The following INVS variants were observed in gnomAD, a reference collection of about 807,000 sequenced individuals.
The protein encoded by INVS is inversin.
INVS carries 86 observed loss-of-function variants against 108.8 expected under a neutral mutation model. The ratio of observed to expected loss-of-function variants is 0.79; its 90% CI spans 0.66 to 0.95. The LOEUF (loss-of-function observed/expected upper bound fraction) is 0.95. Ranked by LOEUF, INVS falls within the 40% of genes least tolerant of loss-of-function variation. The pLI is 0.00. For synonymous variants in INVS, 455 were observed against 473.5 expected (o/e 0.96, Z 0.51); for missense variants, 1,169 against 1,297.4 (o/e 0.90, Z 1.52).
At chr9:100,275,694 A>C (rs1274162355) in intron 12 of INVS, among the ~76,000 whole-genome samples, 1 of 152,248 alleles carries the variant, frequency 6.6e-6, no homozygotes, top group South Asian at 2.1e-4. Context: ...CATTTTCCTC[A>C]AAATGAGGAT....
At chr9:100,187,792 T>A (rs1830097988) in intron 3 of INVS, among the ~76,000 whole-genome samples, 1 of 152,190 alleles carries the variant, frequency 6.6e-6, no homozygotes, top group African/African-American at 2.4e-5. Context: ...AGTGCTGGGA[T>A]TATAGGCGTG....
intron 7 of INVS, among the ~76,000 whole-genome samples, chr9:100,244,834 A>T (rs1357597581): frequency 6.6e-6 from 1 of 152,208 alleles, no homozygotes; most frequent in Non-Finnish European, 1.5e-5. Flanking sequence ...AAGAAAACAA[A>T]GCAAAAAATC....
chr9:100,256,554 G>A (rs186120238), intron 10 of INVS, among the ~76,000 whole-genome samples: 168 of 152,292 alleles, frequency 1.1e-3, no homozygotes, highest in African/African-American at 3.9e-3. Context: ...TGGGCATTTA[G>A]TGCTATAAAT....
At chr9:100,269,108 A>G (rs1832874244) in intron 11 of INVS, among the ~76,000 whole-genome samples, 1 of 152,214 alleles carries the variant, frequency 6.6e-6, no homozygotes, top group South Asian at 2.1e-4. Flanking sequence ...TAAGTAATTG[A>G]TATATGTGTT....
chr9:100,281,575 T>C (rs866765189), intron 12 of INVS, among the ~76,000 whole-genome samples: 1 of 152,234 alleles, frequency 6.6e-6, no homozygotes, highest in Non-Finnish European at 1.5e-5. Context: ...AACTTCACAA[T>C]TGTGGGCCAT....
chr9:100,225,250 G>A (rs1027779511), intron 3 of INVS, among the ~76,000 whole-genome samples: 2 of 148,238 alleles, frequency 1.3e-5, no homozygotes, highest in South Asian at 2.2e-4. Context: ...GGGTTTCACC[G>A]TGCTGGCCAG....
chr9:100,298,289 T>G, intron 16 of INVS: 1 of 1,309,596 alleles, frequency 7.6e-7, no homozygotes, highest in Non-Finnish European at 9.8e-7. Context: ...AGGAAATAAA[T>G]GAAAATACTG....
Position 100,188,048 on chromosome 9 carries a change from A to G in INVS, c.274-38014A>G, listed in dbSNP as rs188849844. 1.5e-3 allele frequency among the ~76,000 whole-genome samples: 232 copies of G among 152,222 alleles called. 1 individual carries two copies. Among genetic ancestry groups the G allele is most frequent in the Non-Finnish European group, 2.9e-3 (195 of 68,018 alleles). On this transcript the variant is annotated intron_variant, in intron 3 of 16. Transcript: ENST00000262457. ...ATTTTGTAACCTGAGATATAATTGGATTCATTTATCAAATCTAGGATTCTT... is the reference window on the plus strand; with the variant it reads ...ATTTTGTAACCTGAGATATAATTGGGTTCATTTATCAAATCTAGGATTCTT...
At chr9:100,126,867 AAAAG>A (rs1827902270) in intron 3 of INVS, among the ~76,000 whole-genome samples, 1 of 152,172 alleles carries the variant, frequency 6.6e-6, no homozygotes, top group Admixed American at 6.5e-5. Flanking sequence ...ATAAAGACCA[AAAAG>A]AAATACTCAA....
At position 100,224,520 on chromosome 9, in the gene INVS, T is replaced by C. The variant is rs563565261; in HGVS notation, c.274-1542T>C. ...GAGCCCAGAAGAACAATTTTTAGAG[T>C]CTTATTTTGTTCAAAGCTGCCATGT... is the stretch of plus-strand genomic sequence containing the variant. On this transcript the variant is annotated intron_variant, in intron 3 of 16. Coordinates refer to ENST00000262457, the MANE Select transcript of INVS (RefSeq NM_014425.5). Among the ~76,000 whole-genome samples, 267 of 151,828 alleles carry C rather than the reference T, an allele frequency of 1.8e-3. 1 individual carries two copies. Among genetic ancestry groups the C allele is most frequent in the Non-Finnish European group, 3.1e-3 (213 of 67,922 alleles).
At chr9:100,129,268 G>A (rs1827979742) in intron 3 of INVS, among the ~76,000 whole-genome samples, 1 of 152,068 alleles carries the variant, frequency 6.6e-6, no homozygotes, top group Non-Finnish European at 1.5e-5. Flanking sequence ...GATCACTTGA[G>A]GCCAGGAGTT....
chr9:100,173,651 C>G, intron 3 of INVS, among the ~76,000 whole-genome samples: 1 of 152,148 alleles, frequency 6.6e-6, no homozygotes. Context: ...ATCGCTTGAA[C>G]CCGGGAGGCA....
At chr9:100,201,217 G>A (rs1004811219) in intron 3 of INVS, among the ~76,000 whole-genome samples, 2 of 152,232 alleles carry the variant, frequency 1.3e-5, no homozygotes, top group East Asian at 1.9e-4. Context: ...CAAAGGCAGA[G>A]GGTCAGTGTC....
chr9:100,138,100 T>C (rs1259140588), intron 3 of INVS, among the ~76,000 whole-genome samples: 4 of 152,204 alleles, frequency 2.6e-5, no homozygotes, highest in African/African-American at 9.7e-5. Context: ...TTTAACTTTC[T>C]TTTTAAAATA....
intron 3 of INVS, among the ~76,000 whole-genome samples, chr9:100,132,226 CATGA>C (rs10534746): frequency 0.63 from 94,874 of 150,950 alleles, 31,619 homozygotes; most frequent in East Asian, 0.88. Context: ...TTAAGGAATA[CATGA>C]ATGAATGAAT....
At position 100,105,850 on chromosome 9, in the gene INVS, CTTTTTTTTTTT is replaced by C. The variant is rs543070811; in HGVS notation, c.106+1238_106+1248del. 3.2e-3 allele frequency among the ~76,000 whole-genome samples: 203 copies of C among 63,846 alleles called. 1 individual carries two copies. Among genetic ancestry groups the C allele is most frequent in the African/African-American group, 0.011 (195 of 17,390 alleles). 41.9% of individuals were successfully genotyped at this position (63,846 alleles called of 152,430 possible). On this transcript the variant is annotated intron_variant, in intron 2 of 16. Transcript: ENST00000262457. ...AAAATCCTTCTCTTGGAAAAATTCC[CTTTTTTTTTTT>C]TTTTTTTTTTTTTTGCCTTCTGTTG...
chr9:100,299,681 C>T (rs1833907322), intron 16 of INVS, among the ~76,000 whole-genome samples: 1 of 120,790 alleles, frequency 8.3e-6, no homozygotes, highest in African/African-American at 3.2e-5. Context: ...CACACACACA[C>T]CTGGGCCTAT....
intron 6 of INVS, among the ~76,000 whole-genome samples, chr9:100,242,052 A>T (rs1588115422): frequency 2.0e-5 from 3 of 152,198 alleles, no homozygotes; most frequent in African/African-American, 7.2e-5. Flanking sequence ...ATGTTATAAA[A>T]TATAAATATA....
At chr9:100,176,117 C>G in intron 3 of INVS, 1 of 449,914 alleles carries the variant, frequency 2.2e-6, no homozygotes, top group Non-Finnish European at 4.2e-6. Flanking sequence ...CCTTCCTCTC[C>G]CCTCCTGCCT....
Sources: allele counts gnomAD v4.1 joint callset (sites outside exome capture counted in the v4.1 genomes callset), GRCh38; gene constraint gnomAD v4.1.1; transcripts MANE v1.5; gene names NCBI Gene and HGNC (gene_info 2026-07-23, HGNC 2026-07-21).